The following PLEKHA8 variants were observed in gnomAD, a reference collection of about 807,000 sequenced individuals.
PLEKHA8 encodes the protein pleckstrin homology domain containing A8.
A neutral mutation model predicts 68.2 loss-of-function variants in PLEKHA8; 36 were observed. The ratio of observed to expected loss-of-function variants is 0.53; its 90% CI spans 0.40 to 0.70. The LOEUF is 0.70. Ranked by LOEUF, PLEKHA8 falls within the 30% of genes least tolerant of loss-of-function variation. The pLI, the probability that PLEKHA8 is intolerant of heterozygous loss-of-function variation, is 0.00. For synonymous variants in PLEKHA8, 211 were observed against 216.1 expected (o/e 0.98, Z 0.20); for missense variants, 505 against 615.4 (o/e 0.82, Z 1.90).
At chr7:30,050,381 T>G (rs1031581535) in intron 5 of PLEKHA8, 53 bp from the exon 6 acceptor site, 3 of 1,532,090 alleles carry the variant, frequency 2.0e-6, no homozygotes, top group Non-Finnish European at 2.6e-6. Context: ...ATCATAAATA[T>G]GCTCTGTTCA....
intron 1 of PLEKHA8, among the ~76,000 whole-genome samples, chr7:30,029,306 C>T (rs997108002): frequency 5.9e-5 from 9 of 152,206 alleles, no homozygotes; most frequent in African/African-American, 2.2e-4. Flanking sequence ...GCGTGCACAC[C>T]AGGGTGTCAA....
chr7:30,039,951 G>T (rs553389840), intron 1 of PLEKHA8, among the ~76,000 whole-genome samples: 1 of 152,292 alleles, frequency 6.6e-6, no homozygotes, highest in African/African-American at 2.4e-5. Flanking sequence ...ATCTTGTCTT[G>T]TTTCCAATCT....
chr7:30,035,542 C>T (rs2127960406), intron 1 of PLEKHA8, among the ~76,000 whole-genome samples: 1 of 152,264 alleles, frequency 6.6e-6, no homozygotes, highest in South Asian at 2.1e-4. Context: ...CTGTCTCTTC[C>T]ATTGTGAAGT....
At chr7:30,062,796 C>T in intron 12 of PLEKHA8, 54 bp downstream of exon 12, 1 of 1,371,882 alleles carries the variant, frequency 7.3e-7, no homozygotes, top group Non-Finnish European at 1.0e-6. Flanking sequence ...GAATGGAGAC[C>T]CCTAGAGGAG....
chr7:30,107,452 C>T (rs1376260508), intron 13 of PLEKHA8, among the ~76,000 whole-genome samples: 10 of 151,984 alleles, frequency 6.6e-5, no homozygotes, highest in Non-Finnish European at 1.5e-5. Context: ...GTTTTGGATT[C>T]AACAACCTTG....
intron 13 of PLEKHA8, among the ~76,000 whole-genome samples, chr7:30,101,948 TA>T (rs1795868420): frequency 6.6e-6 from 1 of 152,104 alleles, no homozygotes; most frequent in African/African-American, 2.4e-5. Context: ...TTTATCAAAT[TA>T]AAAAACTTTT....
chr7:30,074,043 T>C, intron 12 of PLEKHA8, 28 bp from the exon 13 acceptor site: 1 of 1,581,596 alleles, frequency 6.3e-7, no homozygotes, highest in Non-Finnish European at 8.7e-7. Flanking sequence ...ATGAAAGTGT[T>C]CCTCATGGAG....
chr7:30,050,451 A>G lies in PLEKHA8; in HGVS notation c.615A>G (p.Ile205Met). The G allele has an allele frequency of 1.3e-6, 2 of 1,578,644 alleles. No individual in the cohort carries two copies. The highest frequency in any genetic ancestry group is 1.2e-5 in the South Asian group (1 of 84,164). The part of the protein sequence containing the change: ...LKSSKMKHPI[I>M]PIHNSLERQM... ...TTTTAAAGATGAAACATCCTATTATACCAATTCATAATTCATTGGAAAGGT... is the reference window on the plus strand; with the variant it reads ...TTTTAAAGATGAAACATCCTATTATGCCAATTCATAATTCATTGGAAAGGT... The change falls in exon 6 of 14, where the codon ATA becomes ATG. Residue 205 changes from isoleucine (I) to methionine (M), a missense_variant. Ile to Met is a conservative substitution (Grantham distance 10). Coordinates refer to ENST00000449726, the MANE Select transcript of PLEKHA8 (RefSeq NM_001197026.2).
intron 5 of PLEKHA8, among the ~76,000 whole-genome samples, chr7:30,049,757 C>T (rs1184208890): frequency 6.6e-6 from 1 of 152,182 alleles, no homozygotes; most frequent in Non-Finnish European, 1.5e-5. Context: ...CCCTCATTGC[C>T]TGTAGGTTAA....
At chr7:30,046,147 G>A in intron 2 of PLEKHA8, 63 bp from the exon 3 acceptor site, 1 of 1,421,780 alleles carries the variant, frequency 7.0e-7, no homozygotes, top group Non-Finnish European at 9.3e-7. Context: ...GAAGTTGGGT[G>A]GGTTGGAGGC....
chr7:30,102,776 G>T (rs962148101), intron 13 of PLEKHA8, among the ~76,000 whole-genome samples: 5 of 152,224 alleles, frequency 3.3e-5, no homozygotes, highest in African/African-American at 1.2e-4. Context: ...ACCCAGGTGT[G>T]GTGGCTCACA....
At position 30,036,890 on chromosome 7, in the gene PLEKHA8, A is replaced by G. The variant is rs184881159; in HGVS notation, c.40+8088A>G. On this transcript the variant is annotated intron_variant, in intron 1 of 13. Coordinates refer to ENST00000449726, the MANE Select transcript of PLEKHA8 (RefSeq NM_001197026.2). ...AGCTAATGCTTGGGTAACTGTTACA[A>G]TGAGGAGTGTTTCTTCATTCTTCCC... 1.7e-4 allele frequency among the ~76,000 whole-genome samples: 26 copies of G among 152,296 alleles called. No individual in the cohort carries two copies. The South Asian group carries it at 4.6e-3, about 27-fold the overall frequency.
Position 30,081,156 on chromosome 7 carries a change from T to C in PLEKHA8, c.*2369T>C, listed in dbSNP as rs1464249021. On this transcript the variant is annotated 3_prime_UTR_variant, in exon 14 of 14. Coordinates refer to ENST00000449726, the MANE Select transcript of PLEKHA8 (RefSeq NM_001197026.2). Reference sequence around the variant, plus strand: ...GCTGGGAATGAGGGGCTTAATATTATCTGAGATCATTGAGAACCCAGATCA... The same window carrying C: ...GCTGGGAATGAGGGGCTTAATATTACCTGAGATCATTGAGAACCCAGATCA... 2 of 985,322 alleles carry C rather than the reference T, an allele frequency of 2.0e-6. No individual in the cohort carries two copies. Among genetic ancestry groups the C allele is most frequent in the Admixed American group, 6.2e-5 (1 of 16,258 alleles). 61.0% of individuals were successfully genotyped at this position (985,322 alleles called of 1,614,324 possible).
intron 13 of PLEKHA8, among the ~76,000 whole-genome samples, chr7:30,117,433 G>A (rs1382626122): frequency 6.6e-6 from 1 of 152,154 alleles, no homozygotes; most frequent in Non-Finnish European, 1.5e-5. Flanking sequence ...GGCCAGGCAC[G>A]ATGGTTCCTG....
rs1792527084 is a variant in PLEKHA8, at chr7:30,052,747, A to G, written c.677A>G (p.Asn226Ser). The stretch of plus-strand genomic sequence containing the variant: ...AGCACTTGTGAAAATGGATCTTTAA[A>G]TATGGAAATAAATGGTGAGGAAGAA... ...ELSTCENGSL[N>S]MEINGEEEIL... Residue 226 changes from asparagine to serine, a missense_variant, in exon 7 of 14, where the codon AAT becomes AGT. By Grantham distance (46) the Asn-to-Ser change is conservative. Transcript: ENST00000449726. 6.4e-7 allele frequency: 1 copy of G among 1,563,120 alleles called. No homozygotes were observed. The highest frequency in any genetic ancestry group is 8.6e-7 in the Non-Finnish European group (1 of 1,163,512).
At chr7:30,119,465 C>T (rs1367404326) in intron 13 of PLEKHA8, among the ~76,000 whole-genome samples, 1 of 152,148 alleles carries the variant, frequency 6.6e-6, no homozygotes, top group East Asian at 1.9e-4. Context: ...GTCTCAAAGC[C>T]GTGCATTACA....
chr7:30,101,680 T>G (rs1182892603), intron 13 of PLEKHA8, among the ~76,000 whole-genome samples: 1 of 152,152 alleles, frequency 6.6e-6, no homozygotes, highest in Non-Finnish European at 1.5e-5. Context: ...CATAGCAAAA[T>G]TTGTAATCAG....
At position 30,028,603 on chromosome 7, in the gene PLEKHA8, A is replaced by T; in HGVS notation, c.-160A>T. 1 of 448,872 alleles carries T rather than the reference A, an allele frequency of 2.2e-6. No homozygotes were observed. The highest frequency in any genetic ancestry group is 3.6e-6 in the Non-Finnish European group (1 of 276,226). 27.8% of individuals were successfully genotyped at this position (448,872 alleles called of 1,614,324 possible). On this transcript the variant is annotated 5_prime_UTR_variant, in exon 1 of 14. Transcript: ENST00000449726. ...CCGCAGTGACCCCGCCCCCGGGCCG[A>T]GGATGTGAGGCGGGCCGGGCGTCCC...
In PLEKHA8 at chr7:30,082,569, T is replaced by C; in HGVS notation, c.*3782T>C. 1 of 985,274 alleles carries C rather than the reference T, an allele frequency of 1.0e-6. No homozygotes were observed. The highest frequency in any genetic ancestry group is 1.2e-6 in the Non-Finnish European group (1 of 829,856). 61.0% of individuals were successfully genotyped at this position (985,274 alleles called of 1,614,324 possible). A position where few individuals can be genotyped will look rare whatever the true frequency, so the allele number is the denominator to read the frequency against. On this transcript the variant is annotated 3_prime_UTR_variant, in exon 14 of 14. Coordinates refer to ENST00000449726, the MANE Select transcript of PLEKHA8 (RefSeq NM_001197026.2). ...ATTAGAGGAGTGCAGCGGAAAAAAA[T>C]TTGCACTCTTCTCCTTTTGGTTATT... is the stretch of plus-strand genomic sequence containing the variant.
Sources: gnomAD v4.1 joint callset for allele counts (sites outside exome capture counted in the v4.1 genomes callset) on GRCh38, gnomAD v4.1.1 for gene constraint, MANE v1.5 for transcripts, NCBI Gene and HGNC (gene_info 2026-07-23, HGNC 2026-07-21) for gene names.